Variants in LIN7A observed in about 807,000 individuals in gnomAD.
LIN7A encodes the protein lin-7 cell polarity scaffold A.
LIN7A carries 25 observed loss-of-function variants against 29.8 expected under a neutral mutation model. The observed-to-expected ratio is 0.84, with a 90% CI of 0.61 to 1.17. The LOEUF (loss-of-function observed/expected upper bound fraction) is 1.17. Ranked by LOEUF, LIN7A falls within the 50% of genes most tolerant of loss-of-function variation. The pLI is 0.00. For missense variants in LIN7A, 239 were observed against 287.0 expected, an observed-to-expected ratio of 0.83 and a Z score of 1.21; for synonymous variants, 118 against 107.5, an observed-to-expected ratio of 1.10 and a Z score of -0.60.
At chr12:80,869,045 G>A (rs74405287) in intron 2 of LIN7A, among the ~76,000 whole-genome samples, 1,554 of 152,162 alleles carry the variant, frequency 0.01, 14 homozygotes, top group South Asian at 0.03. Context: ...AAGTTGCAAA[G>A]TGAAGTAGAA....
At chr12:80,870,419 T>C (rs1327085164) in intron 2 of LIN7A, among the ~76,000 whole-genome samples, 1 of 152,136 alleles carries the variant, frequency 6.6e-6, no homozygotes, top group African/African-American at 2.4e-5. Flanking sequence ...GAAAGGTGAA[T>C]TGTGCAAGTC....
In LIN7A at chr12:80,837,032, CAGA is replaced by C. The variant is rs570747140; in HGVS notation, c.483+8695_483+8697del. On this transcript the variant is annotated intron_variant, in intron 4 of 5. Transcript: ENST00000552864. ...GCTTTATTGATTGGATAGGCAGAAG[CAGA>C]AGGAGAAAAGTCTGAAAGTGAAAAG... is the stretch of plus-strand genomic sequence containing the variant. 6.0e-5 allele frequency among the ~76,000 whole-genome samples: 9 copies of C among 151,224 alleles called. No individual in the cohort carries two copies. The South Asian group carries it at 1.9e-3, about 32-fold the overall frequency.
intron 1 of LIN7A, among the ~76,000 whole-genome samples, chr12:80,904,001 A>G (rs1876352706): frequency 6.6e-6 from 1 of 152,074 alleles, no homozygotes; most frequent in Admixed American, 6.6e-5. Context: ...TAGACTTTAG[A>G]TATTTTTCTG....
rs544059085 is a variant in LIN7A, at chr12:80,923,098, C to T, written c.82+14543G>A. 2.0e-4 allele frequency among the ~76,000 whole-genome samples: 31 copies of T among 152,324 alleles called. 1 individual carries two copies. The highest frequency in any genetic ancestry group is 7.0e-4 in the African/African-American group (29 of 41,572). On this transcript the variant is annotated intron_variant, in intron 1 of 5. Transcript: ENST00000552864. ...TCCACCCTCACCTAATGTGGGCAGGCACCCTAGCCCAGATAAAACAAAAAG... is the reference window on the plus strand; with the variant it reads ...TCCACCCTCACCTAATGTGGGCAGGTACCCTAGCCCAGATAAAACAAAAAG...
intron 4 of LIN7A, among the ~76,000 whole-genome samples, chr12:80,815,893 G>T (rs1162096297): frequency 6.6e-6 from 1 of 152,066 alleles, no homozygotes; most frequent in Non-Finnish European, 1.5e-5. Flanking sequence ...CAGCCTGAGG[G>T]TATATAGTAG....
intron 2 of LIN7A, among the ~76,000 whole-genome samples, chr12:80,875,301 G>A (rs1395383254): frequency 6.6e-6 from 1 of 151,110 alleles, no homozygotes; most frequent in Non-Finnish European, 1.5e-5. Flanking sequence ...ATTTTTTCTG[G>A]AAAAAAAAGC....
At chr12:80,887,271 C>T (rs768659784) in intron 2 of LIN7A, among the ~76,000 whole-genome samples, 2 of 152,100 alleles carry the variant, frequency 1.3e-5, no homozygotes, top group African/African-American at 4.8e-5. Flanking sequence ...TTATCTGTCA[C>T]TCAATCTACT....
chr12:80,833,508 C>T (rs981380098), intron 4 of LIN7A, among the ~76,000 whole-genome samples: 2 of 152,198 alleles, frequency 1.3e-5, no homozygotes, highest in African/African-American at 2.4e-5. Flanking sequence ...TGCCTTCACA[C>T]ACCCTATGCC....
At chr12:80,841,204 G>A (rs1032191938) in intron 4 of LIN7A, among the ~76,000 whole-genome samples, 2 of 151,902 alleles carry the variant, frequency 1.3e-5, no homozygotes, top group African/African-American at 4.8e-5. Flanking sequence ...AATAGGGTGT[G>A]AGCTTAAGCC....
At chr12:80,899,158 A>T (rs940022365) in intron 1 of LIN7A, among the ~76,000 whole-genome samples, 3 of 152,114 alleles carry the variant, frequency 2.0e-5, no homozygotes, top group African/African-American at 7.2e-5. Flanking sequence ...CGTTTCCTCA[A>T]TGCCCAGTTT....
rs182759163 is a variant in LIN7A at position 80,850,106 on chromosome 12, T to C, written c.202-1784A>G. ...ATAAATATCACAAATTAAGAATAAT[T>C]AGCCTTAAGACCCCAAATTGATTTT... On this transcript the variant is annotated intron_variant, in intron 2 of 5. Transcript: ENST00000552864. 3.3e-5 allele frequency among the ~76,000 whole-genome samples: 5 copies of C among 152,238 alleles called. No homozygotes were observed. In the East Asian group the frequency reaches 9.7e-4, roughly 29 times the overall value.
At chr12:80,808,978 A>ATT (rs34489397) in intron 5 of LIN7A, among the ~76,000 whole-genome samples, 11 of 145,006 alleles carry the variant, frequency 7.6e-5, no homozygotes, top group Middle Eastern at 3.6e-3. Context: ...TCTTCTTTTC[A>ATT]TTTTTTTTTT....
At chr12:80,867,235 C>A (rs1329751308) in intron 2 of LIN7A, among the ~76,000 whole-genome samples, 2 of 152,162 alleles carry the variant, frequency 1.3e-5, no homozygotes, top group Non-Finnish European at 2.9e-5. Flanking sequence ...ATGGGAGCCA[C>A]CATGCCTAGT....
chr12:80,911,484 A>G (rs1054676411), intron 1 of LIN7A, among the ~76,000 whole-genome samples: 1 of 152,078 alleles, frequency 6.6e-6, no homozygotes, highest in Non-Finnish European at 1.5e-5. Flanking sequence ...ATTTATAAAC[A>G]AGACATTTAA....
chr12:80,842,542 C>T (rs1262929738), intron 4 of LIN7A, among the ~76,000 whole-genome samples: 1 of 152,120 alleles, frequency 6.6e-6, no homozygotes. Flanking sequence ...CATATTTAAT[C>T]TCCTGAAATT....
intron 4 of LIN7A, among the ~76,000 whole-genome samples, chr12:80,828,173 T>G (rs1872174189): frequency 6.6e-6 from 1 of 152,202 alleles, no homozygotes; most frequent in Non-Finnish European, 1.5e-5. Flanking sequence ...AATTTGGCAA[T>G]ATCTATTAAA....
intron 4 of LIN7A, 58 bp downstream of exon 4, chr12:80,845,672 G>T (rs1486974214): frequency 1.4e-6 from 2 of 1,403,226 alleles, no homozygotes; most frequent in Admixed American, 4.1e-5. Context: ...GTAATAGCAG[G>T]GGGCAAAAAA....
chr12:80,912,440 G>A (rs1876798349), intron 1 of LIN7A, among the ~76,000 whole-genome samples: 1 of 152,102 alleles, frequency 6.6e-6, no homozygotes, highest in Non-Finnish European at 1.5e-5. Flanking sequence ...TCTAGGCCGG[G>A]CATGGTGGCT....
chr12:80,870,160 A>G (rs1404428863), intron 2 of LIN7A, among the ~76,000 whole-genome samples: 1 of 152,198 alleles, frequency 6.6e-6, no homozygotes, highest in Non-Finnish European at 1.5e-5. Context: ...GCACAACATA[A>G]CAAAGAATAT....
Sources: gnomAD v4.1 joint callset for allele counts (sites outside exome capture counted in the v4.1 genomes callset) on GRCh38, gnomAD v4.1.1 for gene constraint, MANE v1.5 for transcripts, NCBI Gene and HGNC (gene_info 2026-07-23, HGNC 2026-07-21) for gene names.